Variants in SPRY3 observed in about 807,000 individuals in gnomAD.
SPRY3 encodes sprouty RTK signaling antagonist 3.
SPRY3 carries 15 observed loss-of-function variants against 20.2 expected under a neutral mutation model. The ratio of observed to expected loss-of-function variants is 0.74; its 90% CI spans 0.50 to 1.14. The LOEUF (loss-of-function observed/expected upper bound fraction) is 1.14, where lower values mean the gene tolerates loss of function less well. Ranked by LOEUF, SPRY3 falls within the 50% of genes most tolerant of loss-of-function variation. The pLI is 0.00. For missense variants in SPRY3, 364 were observed against 363.9 expected, an observed-to-expected ratio of 1.00 and a Z score of 0.00; for synonymous variants, 143 against 136.5, an observed-to-expected ratio of 1.05 and a Z score of -0.33.
intron 2 of SPRY3, among the ~76,000 whole-genome samples, chrX:155,712,384 T>C (rs758049604): frequency 6.6e-6 from 1 of 152,086 alleles, no homozygotes; most frequent in African/African-American, 2.4e-5. Flanking sequence ...ATCAGGTACA[T>C]ATGTATTTAC....
intron 2 of SPRY3, among the ~76,000 whole-genome samples, chrX:155,678,152 C>T (rs149709499): frequency 5.4e-4 from 60 of 111,368 alleles, no homozygotes; most frequent in African/African-American, 1.9e-3. Flanking sequence ...ATGTAGGGAA[C>T]CCTACAGACC....
At chrX:155,672,371 A>G (rs1344664024) in intron 2 of SPRY3, among the ~76,000 whole-genome samples, 1 of 110,529 alleles carries the variant, frequency 9.0e-6, no homozygotes, top group Non-Finnish European at 1.9e-5. Flanking sequence ...TTTACAAGAA[A>G]AAAACAAACA....
chrX:155,745,392 C>A (rs753305107), intron 2 of SPRY3, among the ~76,000 whole-genome samples: 1 of 152,134 alleles, frequency 6.6e-6, no homozygotes, highest in East Asian at 1.9e-4. Context: ...TCATGAAGTG[C>A]AGCTATTGAG....
At chrX:155,638,567 A>G (rs1275785883) in intron 1 of SPRY3, among the ~76,000 whole-genome samples, 1 of 107,107 alleles carries the variant, frequency 9.3e-6, no homozygotes, top group Non-Finnish European at 1.9e-5. Context: ...CTTTCCTGCT[A>G]TTCTGTATTA....
chrX:155,745,873 G>C (rs1241734808), intron 2 of SPRY3, among the ~76,000 whole-genome samples: 1 of 151,998 alleles, frequency 6.6e-6, no homozygotes, highest in Non-Finnish European at 1.5e-5. Context: ...TAGCTACAGA[G>C]AACTTGAATT....
intron 2 of SPRY3, among the ~76,000 whole-genome samples, chrX:155,716,352 T>C (rs2091022532): frequency 6.6e-6 from 1 of 152,186 alleles, no homozygotes; most frequent in Admixed American, 6.5e-5. Flanking sequence ...ATTGATATTT[T>C]CTATCTGTTG....
At chrX:155,739,862 G>T (rs1169624961) in intron 2 of SPRY3, among the ~76,000 whole-genome samples, 1 of 152,108 alleles carries the variant, frequency 6.6e-6, no homozygotes, top group East Asian at 1.9e-4. Context: ...AGATGAGAAA[G>T]AATCAATGCA....
intron 1 of SPRY3, among the ~76,000 whole-genome samples, chrX:155,643,414 G>T (rs2067948336): frequency 1.8e-5 from 2 of 111,470 alleles, no homozygotes; most frequent in South Asian, 7.4e-4. Flanking sequence ...TATTCATTCA[G>T]CTACTCTGTG....
At chrX:155,766,777 G>A (rs2091333180) in intron 2 of SPRY3, among the ~76,000 whole-genome samples, 1 of 152,168 alleles carries the variant, frequency 6.6e-6, no homozygotes, top group Admixed American at 6.5e-5. Context: ...ATGAAGGCAG[G>A]AATCCACAAC....
chrX:155,705,915 A>C (rs1446579723), intron 2 of SPRY3, among the ~76,000 whole-genome samples: 2 of 151,384 alleles, frequency 1.3e-5, no homozygotes, highest in African/African-American at 4.8e-5. Context: ...AGAAATCCAC[A>C]ATTATAGCTG....
At chrX:155,773,840 A>T in exon 4 of SPRY3, 1 of 1,598,290 alleles carries the variant, frequency 6.3e-7, no homozygotes, top group South Asian at 1.1e-5. Flanking sequence ...ACCCTGACTT[A>T]AAACCACTCA....
chrX:155,623,639 C>A (rs1008551850), intron 1 of SPRY3, among the ~76,000 whole-genome samples: 4 of 111,946 alleles, frequency 3.6e-5, no homozygotes, highest in Non-Finnish European at 7.5e-5. Flanking sequence ...GTAGAACTGA[C>A]TCGCCCTGAA....
intron 1 of SPRY3, among the ~76,000 whole-genome samples, chrX:155,647,702 A>G (rs1205723886): frequency 8.9e-6 from 1 of 112,119 alleles, no homozygotes; most frequent in African/African-American, 3.2e-5. Flanking sequence ...AATCCAGTCT[A>G]TCATTGATGG....
chrX:155,767,037 A>C (rs1421012358), intron 2 of SPRY3, among the ~76,000 whole-genome samples: 1 of 152,138 alleles, frequency 6.6e-6, no homozygotes, highest in Admixed American at 6.5e-5. Context: ...TATTTAAATG[A>C]GACCTCCTTA....
intron 1 of SPRY3, among the ~76,000 whole-genome samples, chrX:155,620,187 CTTAG>C (rs1415563752): frequency 4.5e-5 from 5 of 110,917 alleles, no homozygotes; most frequent in East Asian, 5.7e-4. Context: ...TTATAAGATT[CTTAG>C]TTAAACACAC....
At chrX:155,749,448 G>T (rs1164103148) in intron 2 of SPRY3, among the ~76,000 whole-genome samples, 4 of 151,758 alleles carry the variant, frequency 2.6e-5, no homozygotes, top group African/African-American at 9.7e-5. Context: ...GGAAGAGAAG[G>T]CCTCTCTGAT....
chrX:155,696,715 C>T (rs116490668), intron 2 of SPRY3, among the ~76,000 whole-genome samples: 3,267 of 111,390 alleles, frequency 0.029, 111 homozygotes, highest in African/African-American at 0.098. Context: ...CCAGAACCTT[C>T]ATTCCAGGGT....
At chrX:155,687,698 CTGTT>C (rs1333951183) in intron 2 of SPRY3, among the ~76,000 whole-genome samples, 1 of 112,174 alleles carries the variant, frequency 8.9e-6, no homozygotes, top group East Asian at 2.8e-4. Context: ...TAGAAAACAT[CTGTT>C]TGTCTATTAC....
intron 2 of SPRY3, among the ~76,000 whole-genome samples, chrX:155,752,331 A>G (rs1220107623): frequency 1.3e-5 from 2 of 151,802 alleles, no homozygotes; most frequent in Non-Finnish European, 1.5e-5. Flanking sequence ...ACTAAAAAAA[A>G]AAGCACAAGG....
Sources: gnomAD v4.1 joint callset for allele counts (sites outside exome capture counted in the v4.1 genomes callset) on GRCh38, gnomAD v4.1.1 for gene constraint, MANE v1.5 for transcripts, NCBI Gene and HGNC (gene_info 2026-07-23, HGNC 2026-07-21) for gene names.